Variants in RBFOX1 observed in about 807,000 individuals in gnomAD.
RBFOX1 encodes RNA binding protein fox-1 homolog 1.
A neutral mutation model predicts 57.7 loss-of-function variants in RBFOX1; 8 were observed. The ratio of observed to expected loss-of-function variants is 0.14; its 90% CI spans 0.08 to 0.25. The LOEUF is 0.25. Ranked by LOEUF, RBFOX1 falls within the 10% of genes least tolerant of loss-of-function variation. The pLI, the probability that RBFOX1 is intolerant of heterozygous loss-of-function variation, is 1.00. For synonymous variants in RBFOX1, 326 were observed against 222.4 expected (o/e 1.47, Z -4.15); for missense variants, 611 against 548.5 (o/e 1.11, Z -1.14).
In RBFOX1 at chr16:7,328,032, A is replaced by T. The variant is rs1294979523; in HGVS notation, c.28-190115A>T. The stretch of plus-strand genomic sequence containing the variant: ...CTTTCATTGACGTCTAAACTTTGAG[A>T]GGCTACCACTCAGAAGGGCCAGTCA... On this transcript the variant is annotated intron_variant, in intron 4 of 15. Transcript: ENST00000550418. Among the ~76,000 whole-genome samples the T allele has an allele frequency of 3.3e-5, 5 of 152,102 alleles. No individual in the cohort carries two copies. In the South Asian group the frequency reaches 8.3e-4, roughly 25 times the overall value.
At chr16:6,840,052 G>A (rs760060254) in intron 3 of RBFOX1, among the ~76,000 whole-genome samples, 2 of 152,126 alleles carry the variant, frequency 1.3e-5, no homozygotes. Context: ...ACAAAAATCC[G>A]TGAGTTTACT....
intron 2 of RBFOX1, among the ~76,000 whole-genome samples, chr16:6,365,094 T>TG (rs2089328791): frequency 6.6e-6 from 1 of 151,622 alleles, no homozygotes; most frequent in Admixed American, 6.6e-5. Flanking sequence ...GATTCACCCT[T>TG]AAAAAAAAGG....
chr16:7,516,879 A>C (rs999465064), intron 4 of RBFOX1, among the ~76,000 whole-genome samples: 3 of 151,448 alleles, frequency 2.0e-5, no homozygotes, highest in African/African-American at 7.3e-5. Flanking sequence ...TTTTTGCTGC[A>C]CTCAAATTGC....
intron 3 of RBFOX1, among the ~76,000 whole-genome samples, chr16:5,693,893 C>T (rs1223306747): frequency 6.6e-6 from 1 of 152,182 alleles, no homozygotes; most frequent in South Asian, 2.1e-4. Context: ...AGAGGACTGT[C>T]TTCTGGGCTG....
intron 5 of RBFOX1, among the ~76,000 whole-genome samples, chr16:7,534,026 T>C (rs1163603220): frequency 1.3e-5 from 2 of 151,734 alleles, no homozygotes; most frequent in South Asian, 2.1e-4. Flanking sequence ...CACCAGGAAG[T>C]GATAGACATG....
chr16:6,841,543 G>A (rs575375087), intron 3 of RBFOX1, among the ~76,000 whole-genome samples: 2 of 152,178 alleles, frequency 1.3e-5, no homozygotes, highest in South Asian at 4.1e-4. Context: ...ACGCTAATGA[G>A]GCGAGTATTA....
intron 1 of RBFOX1, among the ~76,000 whole-genome samples, chr16:5,465,471 G>C (rs1448467982): frequency 6.6e-6 from 1 of 152,174 alleles, no homozygotes. Context: ...GTGCAGTTCA[G>C]CTTAAAACAC....
At position 5,671,567 on chromosome 16, in the gene RBFOX1, C is replaced by T. The variant is rs1025137923; in HGVS notation, c.318+72606C>T. Reference sequence around the variant, plus strand: ...GTCATGGGTGTTATGAAATTCAAAACTGCCAAGTTTCTGGAGCATTTAGTG... The same window carrying T: ...GTCATGGGTGTTATGAAATTCAAAATTGCCAAGTTTCTGGAGCATTTAGTG... On this transcript the variant is annotated intron_variant, in intron 3 of 19. Coordinates refer to the RBFOX1 transcript ENST00000641259. Among the ~76,000 whole-genome samples, 5 of 152,174 alleles carry T rather than the reference C, an allele frequency of 3.3e-5. No individual in the cohort carries two copies. The East Asian group carries it at 9.6e-4, about 29-fold the overall frequency.
At chr16:7,360,051 A>G (rs567390711) in intron 4 of RBFOX1, among the ~76,000 whole-genome samples, 118 of 152,288 alleles carry the variant, frequency 7.7e-4, no homozygotes, top group African/African-American at 2.3e-3. Flanking sequence ...ATTACACTAT[A>G]TAGTCTTTCT....
chr16:7,039,097 A>C (rs2045389375), intron 3 of RBFOX1, among the ~76,000 whole-genome samples: 1 of 152,168 alleles, frequency 6.6e-6, no homozygotes, highest in Non-Finnish European at 1.5e-5. Context: ...ATAGCACCCC[A>C]TAGGTCATTC....
intron 10 of RBFOX1, among the ~76,000 whole-genome samples, chr16:7,617,695 C>T (rs1027692007): frequency 6.6e-5 from 10 of 152,162 alleles, no homozygotes; most frequent in Admixed American, 2.6e-4. Flanking sequence ...GTATCGGGCG[C>T]TAGACACTGT....
intron 4 of RBFOX1, among the ~76,000 whole-genome samples, chr16:7,063,099 T>C (rs1319075256): frequency 1.3e-5 from 2 of 151,956 alleles, no homozygotes; most frequent in Admixed American, 6.6e-5. Flanking sequence ...CCTCTGTGAA[T>C]CGGCGCTGAC....
intron 14 of RBFOX1, among the ~76,000 whole-genome samples, chr16:7,702,904 A>G (rs140059764): frequency 6.6e-6 from 1 of 152,206 alleles, no homozygotes; most frequent in Non-Finnish European, 1.5e-5. Flanking sequence ...AATAGGATGA[A>G]TATCTGAGTG....
chr16:6,967,781 G>A (rs1016302200), intron 3 of RBFOX1, among the ~76,000 whole-genome samples: 3 of 152,064 alleles, frequency 2.0e-5, no homozygotes, highest in Non-Finnish European at 4.4e-5. Context: ...GGAATGTGTG[G>A]GAGGCAGCAG....
intron 10 of RBFOX1, among the ~76,000 whole-genome samples, chr16:7,618,371 G>C (rs1367468463): frequency 6.6e-6 from 1 of 152,154 alleles, no homozygotes; most frequent in African/African-American, 2.4e-5. Context: ...GGTGCTGGGA[G>C]ACTTAGGAGC....
intron 1 of RBFOX1, among the ~76,000 whole-genome samples, chr16:6,261,239 A>C (rs1402864103): frequency 1.3e-5 from 2 of 152,246 alleles, no homozygotes; most frequent in Non-Finnish European, 2.9e-5. Flanking sequence ...CTTCCCTTCC[A>C]AAAAGCAGAA....
At position 6,823,991 on chromosome 16, in the gene RBFOX1, T is replaced by C. The variant is rs2091757830; in HGVS notation, c.-16+169341T>C. Among the ~76,000 whole-genome samples, 3 of 152,224 alleles carry C rather than the reference T, an allele frequency of 2.0e-5. No individual in the cohort carries two copies. The South Asian group carries it at 6.2e-4, about 32-fold the overall frequency. On this transcript the variant is annotated intron_variant, in intron 3 of 15. Transcript: ENST00000550418. The stretch of plus-strand genomic sequence containing the variant: ...CAAATCTTGAAGGATGGGTATGAGC[T>C]GGCCCCATGAATGAAAGTGTGGAGA...
At chr16:7,571,672 G>C (rs1398863070) in intron 5 of RBFOX1, among the ~76,000 whole-genome samples, 1 of 152,166 alleles carries the variant, frequency 6.6e-6, no homozygotes, top group Non-Finnish European at 1.5e-5. Flanking sequence ...CCGGGTAGAA[G>C]CTGGCATTGT....
chr16:7,685,476 G>T (rs192091477), intron 14 of RBFOX1, among the ~76,000 whole-genome samples: 1 of 152,190 alleles, frequency 6.6e-6, no homozygotes, highest in Admixed American at 6.5e-5. Context: ...AGGAGTACCT[G>T]AAAAAGTTCC....
Sources: gnomAD v4.1 joint callset for allele counts (sites outside exome capture counted in the v4.1 genomes callset) on GRCh38, gnomAD v4.1.1 for gene constraint, MANE v1.5 for transcripts, NCBI Gene and HGNC (gene_info 2026-07-23, HGNC 2026-07-21) for gene names.